The following PARN variants were observed in gnomAD, a reference collection of about 807,000 sequenced individuals.
PARN encodes the protein poly(A)-specific ribonuclease PARN.
In PARN, 71 loss-of-function variants were observed where a neutral mutation model predicts 102.8. The observed-to-expected ratio is 0.69, with a 90% CI of 0.57 to 0.84. The LOEUF is 0.84. Among genes scored for constraint, PARN ranks in the 40% least tolerant of loss-of-function variants. The pLI, the probability that PARN is intolerant of heterozygous loss-of-function variation, is 0.00. For missense variants in PARN, 782 were observed against 760.9 expected (o/e 1.03, Z -0.33); for synonymous variants, 261 against 252.9 (o/e 1.03, Z -0.30).
At chr16:14,479,656 A>C (rs1157121209) in intron 22 of PARN, among the ~76,000 whole-genome samples, 10 of 152,204 alleles carry the variant, frequency 6.6e-5, no homozygotes, top group Non-Finnish European at 1.5e-4. Context: ...TGGTACTGGC[A>C]TAAGGAAAAA....
At chr16:14,440,674 C>T (rs981746529) in intron 23 of PARN, among the ~76,000 whole-genome samples, 6 of 152,296 alleles carry the variant, frequency 3.9e-5, no homozygotes, top group Admixed American at 3.3e-4. Context: ...AGCAGTAAAA[C>T]GGAGTGTACT....
intron 22 of PARN, among the ~76,000 whole-genome samples, chr16:14,463,565 A>G (rs916246185): frequency 6.6e-6 from 1 of 152,142 alleles, no homozygotes; most frequent in African/African-American, 2.4e-5. Context: ...ACTGCACTCC[A>G]TATGTTGAAA....
At chr16:14,609,898 G>C (rs923894188) in intron 7 of PARN, among the ~76,000 whole-genome samples, 2 of 152,158 alleles carry the variant, frequency 1.3e-5, no homozygotes, top group African/African-American at 4.8e-5. Flanking sequence ...AGTTTTAGAA[G>C]TCAGCTGATT....
At chr16:14,487,111 C>T (rs1379937777) in intron 21 of PARN, among the ~76,000 whole-genome samples, 1 of 152,244 alleles carries the variant, frequency 6.6e-6, no homozygotes, top group Non-Finnish European at 1.5e-5. Flanking sequence ...GATCCGAAGG[C>T]AGCATCAACG....
intron 22 of PARN, among the ~76,000 whole-genome samples, chr16:14,458,017 TG>T (rs1227400778): frequency 2.0e-5 from 3 of 151,768 alleles, no homozygotes; most frequent in Admixed American, 2.0e-4. Context: ...AGCTTACTTG[TG>T]AATACGAGGC....
chr16:14,606,006 G>C (rs1017362723), intron 10 of PARN, among the ~76,000 whole-genome samples: 3 of 152,112 alleles, frequency 2.0e-5, no homozygotes, highest in Admixed American at 6.6e-5. Flanking sequence ...ATCATGCTCA[G>C]TCCCAATGTA....
chr16:14,606,303 T>G (rs1971178049), intron 10 of PARN, among the ~76,000 whole-genome samples, 181 bp downstream of exon 10: 2 of 150,794 alleles, frequency 1.3e-5, no homozygotes, highest in African/African-American at 4.9e-5. Flanking sequence ...GAGGCTGATG[T>G]AGGAGGATCA....
chr16:14,469,706 G>A (rs1651272318), intron 22 of PARN, among the ~76,000 whole-genome samples: 6 of 130,224 alleles, frequency 4.6e-5, no homozygotes, highest in Admixed American at 3.8e-4. Flanking sequence ...AGCATAAAGT[G>A]TCAAAAAAAA....
intron 22 of PARN, among the ~76,000 whole-genome samples, chr16:14,451,279 C>T (rs1471235743): frequency 6.6e-6 from 1 of 152,234 alleles, no homozygotes; most frequent in Non-Finnish European, 1.5e-5. Flanking sequence ...TGTTCCCAAT[C>T]CCTGTTTACT....
chr16:14,485,528 G>A (rs1963623764), intron 21 of PARN, among the ~76,000 whole-genome samples: 1 of 152,094 alleles, frequency 6.6e-6, no homozygotes, highest in Non-Finnish European at 1.5e-5. Flanking sequence ...CACTCCCTAA[G>A]CTTGTGACAG....
chr16:14,520,881 C>T (rs1965700864), intron 21 of PARN, among the ~76,000 whole-genome samples: 1 of 152,140 alleles, frequency 6.6e-6, no homozygotes, highest in South Asian at 2.1e-4. Context: ...TCACTATATT[C>T]TTCTTTATAG....
intron 21 of PARN, among the ~76,000 whole-genome samples, chr16:14,551,057 G>A (rs1437317767): frequency 1.3e-5 from 2 of 151,122 alleles, no homozygotes; most frequent in East Asian, 2.0e-4. Flanking sequence ...CTGCCTCCCG[G>A]GTTCAAGCAA....
At chr16:14,528,247 G>C (rs1258927312) in intron 21 of PARN, among the ~76,000 whole-genome samples, 5 of 152,154 alleles carry the variant, frequency 3.3e-5, no homozygotes, top group Non-Finnish European at 7.3e-5. Flanking sequence ...GTAACAGAAA[G>C]CTGCTCTAGT....
intron 18 of PARN, among the ~76,000 whole-genome samples, chr16:14,569,385 GCC>G (rs1468549850): frequency 2.0e-5 from 3 of 152,228 alleles, no homozygotes; most frequent in African/African-American, 7.2e-5. Context: ...CAGCGCTGCT[GCC>G]CAACCAGGTG....
At chr16:14,563,522 G>GTGTGTGTGTGTGTGTGTATATATA (rs1423811963) in intron 18 of PARN, among the ~76,000 whole-genome samples, 7 of 149,148 alleles carry the variant, frequency 4.7e-5, no homozygotes, top group African/African-American at 1.7e-4. Flanking sequence ...GTGTGTGTGT[G>GTGTGTGTGTGTGTGTGTATATATA]TATATAATTC....
At chr16:14,614,680 C>A (rs572749695) in intron 6 of PARN, among the ~76,000 whole-genome samples, 4 of 151,804 alleles carry the variant, frequency 2.6e-5, no homozygotes, top group African/African-American at 9.7e-5. Flanking sequence ...GAGAAACTGT[C>A]TCTACTAAAA....
intron 5 of PARN, among the ~76,000 whole-genome samples, chr16:14,622,368 T>A (rs1468602201): frequency 6.6e-6 from 1 of 152,220 alleles, no homozygotes; most frequent in Non-Finnish European, 1.5e-5. Flanking sequence ...AGATGTTGAC[T>A]ATAGAATTGC....
At chr16:14,506,379 T>C (rs1404180874) in intron 21 of PARN, among the ~76,000 whole-genome samples, 3 of 152,136 alleles carry the variant, frequency 2.0e-5, no homozygotes, top group South Asian at 4.1e-4. Context: ...ATTAGGACAT[T>C]TGGGGAAATT....
chr16:14,501,459 A>AAAAAAAAAAAAAAAAAAAAAAAAAAG (rs1555487875), intron 21 of PARN: 1 of 143,778 alleles, frequency 7.0e-6, no homozygotes, highest in Non-Finnish European at 1.5e-5. Context: ...AAAAAAAAAA[A>AAAAAAAAAAAAAAAAAAAAAAAAAAG]ACAGAAAGAA....
Sources: gnomAD v4.1 joint callset for allele counts (sites outside exome capture counted in the v4.1 genomes callset) on GRCh38, gnomAD v4.1.1 for gene constraint, MANE v1.5 for transcripts, NCBI Gene and HGNC (gene_info 2026-07-23, HGNC 2026-07-21) for gene names.